ADGB: variants seen among roughly 807,000 people sequenced by gnomAD.
ADGB encodes androglobin, also known as calpain-7-like protein.
In ADGB, 172 loss-of-function variants were observed where a neutral mutation model predicts 210.5. The observed-to-expected ratio is 0.82, with a 90% CI of 0.72 to 0.93. The LOEUF is 0.93. Among genes scored for constraint, ADGB ranks in the 40% least tolerant of loss-of-function variants. The pLI, the probability that ADGB is intolerant of heterozygous loss-of-function variation, is 0.00. For missense variants in ADGB, 2,025 were observed against 1,964.8 expected (o/e 1.03, Z -0.58); for synonymous variants, 658 against 662.7 (o/e 0.99, Z 0.11).
chr6:146,716,772 A>C, intron 14 of ADGB, 111 bp from the exon 15 acceptor site: 2 of 1,021,272 alleles, frequency 2.0e-6, no homozygotes, highest in South Asian at 3.8e-5. Flanking sequence ...TATCTCATAA[A>C]TATTTTCCCA....
chr6:146,673,318 T>C (rs953397934), intron 8 of ADGB, among the ~76,000 whole-genome samples: 1 of 152,178 alleles, frequency 6.6e-6, no homozygotes, highest in Non-Finnish European at 1.5e-5. Context: ...GCTATAAACA[T>C]GTAATGACTG....
At chr6:146,699,378 G>C (rs547953606) in intron 12 of ADGB, among the ~76,000 whole-genome samples, 2 of 152,124 alleles carry the variant, frequency 1.3e-5, no homozygotes, top group East Asian at 1.9e-4. Context: ...CCCAGAGTCC[G>C]AAGGGCAGAA....
At chr6:146,759,424 T>C (rs1176782041) in intron 27 of ADGB, among the ~76,000 whole-genome samples, 2 of 151,814 alleles carry the variant, frequency 1.3e-5, no homozygotes, top group Non-Finnish European at 2.9e-5. Flanking sequence ...AAATTTCTAA[T>C]TTTAAAATTT....
At chr6:146,677,212 A>C (rs1269149968) in intron 9 of ADGB, among the ~76,000 whole-genome samples, 1 of 152,190 alleles carries the variant, frequency 6.6e-6, no homozygotes. Context: ...GCTGTAAAAA[A>C]ATGATACCGC....
At chr6:146,751,784 A>G (rs1777326628) in intron 26 of ADGB, among the ~76,000 whole-genome samples, 1 of 152,064 alleles carries the variant, frequency 6.6e-6, no homozygotes, top group Admixed American at 6.6e-5. Context: ...ATTTTTTGAG[A>G]AGCGTCTGTT....
intron 7 of ADGB, among the ~76,000 whole-genome samples, chr6:146,667,559 G>A (rs1163958204): frequency 6.6e-6 from 1 of 151,890 alleles, no homozygotes; most frequent in Non-Finnish European, 1.5e-5. Flanking sequence ...TTTTGGGGTG[G>A]CATGTGCAGG....
At chr6:146,600,508 C>G (rs1245407021) in intron 1 of ADGB, 1 of 154,220 alleles carries the variant, frequency 6.5e-6, no homozygotes, top group Non-Finnish European at 1.5e-5. Flanking sequence ...ATATGGTTTT[C>G]CCTCTCCCTT....
intron 21 of ADGB, 96 bp downstream of exon 21, chr6:146,733,351 C>T: frequency 1.6e-6 from 2 of 1,224,802 alleles, no homozygotes; most frequent in Non-Finnish European, 2.2e-6. Flanking sequence ...TGGAATAAGT[C>T]TGTGTGGACT....
At chr6:146,672,168 A>G in intron 7 of ADGB, 52 bp from the exon 8 acceptor site, 1 of 1,443,460 alleles carries the variant, frequency 6.9e-7, no homozygotes. Context: ...GCGAAGTTCA[A>G]GGAAAAAAAA....
intron 12 of ADGB, among the ~76,000 whole-genome samples, chr6:146,698,362 G>C (rs1255702318): frequency 6.6e-6 from 1 of 152,152 alleles, no homozygotes; most frequent in Non-Finnish European, 1.5e-5. Flanking sequence ...ATCTATGATA[G>C]GAATATAAGC....
chr6:146,775,136 TG>T (rs1777703475), intron 29 of ADGB, among the ~76,000 whole-genome samples: 1 of 152,192 alleles, frequency 6.6e-6, no homozygotes, highest in African/African-American at 2.4e-5. Context: ...TTTCTGTTGT[TG>T]TTTTTTATTA....
chr6:146,802,139 A>G, intron 35 of ADGB, 128 bp downstream of exon 35: 1 of 599,602 alleles, frequency 1.7e-6, no homozygotes, highest in Non-Finnish European at 2.4e-6. Context: ...TATTATTCAC[A>G]ACTTCTAGGA....
intron 13 of ADGB, among the ~76,000 whole-genome samples, chr6:146,707,007 GA>G (rs1776583670): frequency 6.6e-6 from 1 of 151,218 alleles, no homozygotes; most frequent in Non-Finnish European, 1.5e-5. Context: ...TTCCCTCTTA[GA>G]GCTTCATTTA....
chr6:146,644,906 G>A, intron 3 of ADGB, 41 bp downstream of exon 3: 1 of 1,213,158 alleles, frequency 8.2e-7, no homozygotes, highest in Non-Finnish European at 1.1e-6. Flanking sequence ...CTTACTATGT[G>A]GATGTATTAT....
intron 27 of ADGB, among the ~76,000 whole-genome samples, chr6:146,761,758 T>C (rs1777493247): frequency 6.6e-6 from 1 of 152,142 alleles, no homozygotes; most frequent in East Asian, 1.9e-4. Context: ...TACGGCAAAC[T>C]ACATAAAGTG....
rs543196931 is a variant in ADGB at position 146,621,287 on chromosome 6, T to C, written c.75-14088T>C. 4.6e-5 allele frequency among the ~76,000 whole-genome samples: 7 copies of C among 152,204 alleles called. No homozygotes were observed. In the East Asian group the frequency reaches 1.4e-3, roughly 30 times the overall value. On this transcript the variant is annotated intron_variant, in intron 1 of 35. Transcript: ENST00000397944. ...GGCACATAAAAGAGACTGGCCAGTCTCTTTAATGTGGCACCCCCACTGACT... is the reference window on the plus strand; with the variant it reads ...GGCACATAAAAGAGACTGGCCAGTCCCTTTAATGTGGCACCCCCACTGACT...
chr6:146,685,139 T>A (rs1015028578), intron 9 of ADGB, among the ~76,000 whole-genome samples: 39 of 152,156 alleles, frequency 2.6e-4, no homozygotes, highest in Non-Finnish European at 4.9e-4. Context: ...CAAAAAATAC[T>A]GAATAAAATA....
intron 12 of ADGB, among the ~76,000 whole-genome samples, chr6:146,699,984 G>A (rs570957816): frequency 6.6e-5 from 10 of 152,266 alleles, no homozygotes; most frequent in Admixed American, 3.3e-4. Flanking sequence ...GATTGGATTC[G>A]ACTAATCTAT....
intron 26 of ADGB, among the ~76,000 whole-genome samples, chr6:146,752,089 A>C (rs975940692): frequency 2.0e-4 from 31 of 152,106 alleles, no homozygotes; most frequent in African/African-American, 7.2e-4. Flanking sequence ...GAGACTGGGT[A>C]ATTTCTGAAG....
Sources: allele counts gnomAD v4.1 joint callset (sites outside exome capture counted in the v4.1 genomes callset), GRCh38; gene constraint gnomAD v4.1.1; transcripts MANE v1.5; gene names NCBI Gene and HGNC (gene_info 2026-07-23, HGNC 2026-07-21).